Variants in CCDC73 observed in about 807,000 individuals in gnomAD.
CCDC73 encodes coiled-coil domain-containing protein 73.
A neutral mutation model predicts 116.5 loss-of-function variants in CCDC73; 95 were observed. That is an observed-to-expected ratio of 0.82 (90% confidence interval 0.69 to 0.97). CCDC73 has a LOEUF of 0.97. CCDC73 is among the 50% of genes least tolerant of loss of function. The pLI, the probability that CCDC73 is intolerant of heterozygous loss-of-function variation, is 0.00. For missense variants in CCDC73, 1,066 were observed against 1,206.8 expected, an observed-to-expected ratio of 0.88 and a Z score of 1.73; for synonymous variants, 398 against 401.3, an observed-to-expected ratio of 0.99 and a Z score of 0.10.
chr11:32,670,767 T>C (rs914815725), intron 9 of CCDC73, among the ~76,000 whole-genome samples: 37 of 152,218 alleles, frequency 2.4e-4, no homozygotes, highest in Admixed American at 2.4e-3. Context: ...GGAGCTGTTA[T>C]AATCAGCTAA....
intron 2 of CCDC73, among the ~76,000 whole-genome samples, chr11:32,750,259 A>G (rs1444152967): frequency 6.6e-6 from 1 of 152,086 alleles, no homozygotes; most frequent in Non-Finnish European, 1.5e-5. Flanking sequence ...CACCCCTGTG[A>G]CGACCACCAC....
At chr11:32,626,064 T>C (rs1243956073) in intron 14 of CCDC73, among the ~76,000 whole-genome samples, 1 of 147,540 alleles carries the variant, frequency 6.8e-6, no homozygotes, top group Non-Finnish European at 1.5e-5. Context: ...ATGACATGAT[T>C]GTATGTCTAG....
chr11:32,607,077 TA>T lies in CCDC73; in HGVS notation c.3030+4054del, dbSNP rs1292354325. On this transcript the variant is annotated intron_variant, in intron 17 of 17. Transcript: ENST00000335185. ...TGAGCCCACCACGCCCAGCCAAAAA[TA>T]AATTTTTTTTTTTTTTTTTTTTTTT... 2.5e-3 allele frequency among the ~76,000 whole-genome samples: 270 copies of T among 105,950 alleles called. 1 individual carries two copies. Among genetic ancestry groups the T allele is most frequent in the Non-Finnish European group, 3.6e-3 (193 of 53,644 alleles). 69.5% of individuals were successfully genotyped at this position (105,950 alleles called of 152,430 possible). A position where few individuals can be genotyped will look rare whatever the true frequency, so the allele number is the denominator to read the frequency against.
chr11:32,718,187 G>T, intron 2 of CCDC73, 40 bp from the exon 3 acceptor site: 1 of 1,405,316 alleles, frequency 7.1e-7, no homozygotes, highest in Non-Finnish European at 9.9e-7. Flanking sequence ...TAAAAATAAA[G>T]ACTTTAAAAC....
chr11:32,663,835 T>C (rs1384030696), intron 9 of CCDC73, among the ~76,000 whole-genome samples: 1 of 152,182 alleles, frequency 6.6e-6, no homozygotes, highest in East Asian at 1.9e-4. Flanking sequence ...ATAGCTCTTA[T>C]TATTTTGAGA....
At chr11:32,800,738 C>G in the CCDC73 span, among the ~76,000 whole-genome samples, 1 of 151,978 alleles carries the variant, frequency 6.6e-6, no homozygotes, top group African/African-American at 2.4e-5. Flanking sequence ...CAGGCCTAGT[C>G]AAGGATTTAG....
chr11:32,723,260 T>C (rs1850005390), intron 2 of CCDC73, among the ~76,000 whole-genome samples: 3 of 152,338 alleles, frequency 2.0e-5, no homozygotes, highest in Admixed American at 1.3e-4. Context: ...CTAATATTAA[T>C]AGATAATTTT....
At chr11:32,721,368 T>C (rs1849988167) in intron 2 of CCDC73, among the ~76,000 whole-genome samples, 1 of 152,080 alleles carries the variant, frequency 6.6e-6, no homozygotes, top group African/African-American at 2.4e-5. Flanking sequence ...TACTGATGTC[T>C]GCAATTTACT....
intron 1 of CCDC73, among the ~76,000 whole-genome samples, chr11:32,773,754 T>C (rs1850509681): frequency 6.8e-6 from 1 of 146,994 alleles, no homozygotes; most frequent in Non-Finnish European, 1.5e-5. Flanking sequence ...CCCTCCAGCC[T>C]GGGTAACAGA....
At chr11:32,724,730 T>C (rs11031951) in intron 2 of CCDC73, among the ~76,000 whole-genome samples, 15,432 of 152,156 alleles carry the variant, frequency 0.1, 1,050 homozygotes, top group Non-Finnish European at 0.15. Flanking sequence ...ACTGAAGATA[T>C]ATGCTTTCCA....
At chr11:32,634,693 A>G (rs201851) in intron 14 of CCDC73, among the ~76,000 whole-genome samples, 110,986 of 152,154 alleles carry the variant, frequency 0.73, 41,369 homozygotes, top group African/African-American at 0.78. Context: ...AGCATACAGC[A>G]TTTTAGAAAG....
chr11:32,693,848 G>C (rs962485306), intron 6 of CCDC73, among the ~76,000 whole-genome samples: 2 of 120,924 alleles, frequency 1.7e-5, no homozygotes, highest in African/African-American at 5.8e-5. Context: ...GAAAAGGCCT[G>C]TGACAAAATT....
At chr11:32,660,658 C>T (rs1475817300) in intron 9 of CCDC73, among the ~76,000 whole-genome samples, 3 of 151,512 alleles carry the variant, frequency 2.0e-5, no homozygotes, top group Non-Finnish European at 2.9e-5. Flanking sequence ...GACCCCATCT[C>T]TAAAAAAAAA....
intron 12 of CCDC73, 76 bp from the exon 13 acceptor site, chr11:32,642,158 C>A: frequency 7.4e-7 from 1 of 1,346,012 alleles, no homozygotes; most frequent in Non-Finnish European, 9.6e-7. Context: ...GTTGCTTGGA[C>A]CTTTGCTTCT....
chr11:32,661,305 AT>A (rs904553524), intron 9 of CCDC73, among the ~76,000 whole-genome samples: 6 of 152,018 alleles, frequency 3.9e-5, no homozygotes, highest in African/African-American at 2.4e-5. Context: ...TGAATCGACA[AT>A]TTTTTTTATT....
intron 16 of CCDC73, among the ~76,000 whole-genome samples, chr11:32,611,561 TATC>T (rs1273131057): frequency 1.3e-5 from 2 of 152,202 alleles, no homozygotes; most frequent in Admixed American, 6.5e-5. Flanking sequence ...CATAAAATGT[TATC>T]ATTATTCCCC....
chr11:32,780,260 G>A (rs1850571279), intron 1 of CCDC73, among the ~76,000 whole-genome samples: 1 of 151,660 alleles, frequency 6.6e-6, no homozygotes, highest in Non-Finnish European at 1.5e-5. Flanking sequence ...GGCAACACAG[G>A]AAGGCTCTGT....
At chr11:32,667,360 T>C (rs546834311) in intron 9 of CCDC73, among the ~76,000 whole-genome samples, 2 of 152,340 alleles carry the variant, frequency 1.3e-5, no homozygotes, top group African/African-American at 4.8e-5. Flanking sequence ...GCCTCAGCAA[T>C]GGTGGGTGCC....
chr11:32,728,553 T>A (rs974493654), intron 2 of CCDC73, among the ~76,000 whole-genome samples: 2 of 152,160 alleles, frequency 1.3e-5, no homozygotes, highest in African/African-American at 4.8e-5. Flanking sequence ...TCCCAAGATC[T>A]GGGTGTCAGT....
Sources: gnomAD v4.1 joint callset for allele counts (sites outside exome capture counted in the v4.1 genomes callset) on GRCh38, gnomAD v4.1.1 for gene constraint, MANE v1.5 for transcripts, NCBI Gene and HGNC (gene_info 2026-07-23, HGNC 2026-07-21) for gene names.